Variants in MMP16 observed in about 807,000 individuals in gnomAD.
The protein encoded by MMP16 is matrix metallopeptidase 16.
MMP16 carries 12 observed loss-of-function variants against 67.8 expected under a neutral mutation model. The observed-to-expected ratio is 0.18, with a 90% CI of 0.11 to 0.29. MMP16 has a LOEUF of 0.29. Ranked by LOEUF, MMP16 falls within the 10% of genes least tolerant of loss-of-function variation. MMP16 has a pLI of 1.00. For missense variants in MMP16, 475 were observed against 765.7 expected (o/e 0.62, Z 4.48); for synonymous variants, 249 against 255.9 (o/e 0.97, Z 0.26).
At chr8:88,209,192 T>TCTCCTGCCTCCCCTTCCACCTCCTGCAC in intron 1 of MMP16, among the ~76,000 whole-genome samples, 1 of 152,116 alleles carries the variant, frequency 6.6e-6, no homozygotes, top group Admixed American at 6.6e-5. Context: ...TGTGCCTGCA[T>TCTCCTGCCTCCCCTTCCACCTCCTGCAC]CTCCTGCCTC....
rs145638334 is a variant in MMP16, at chr8:88,261,595, T to C, written c.133-64289A>G. Among the ~76,000 whole-genome samples the C allele has an allele frequency of 6.3e-3, 959 of 152,048 alleles. 6 individuals are homozygous for C. Among genetic ancestry groups the C allele is most frequent in the African/African-American group, 0.022 (911 of 41,436 alleles). ...TAAAACTCCTCCCCTTCAGACTCTA[T>C]AAACCACTGGGCAAAAAAAGATACC... On this transcript the variant is annotated intron_variant, in intron 1 of 9. Transcript: ENST00000286614.
At chr8:88,302,131 C>T (rs1022626052) in intron 1 of MMP16, among the ~76,000 whole-genome samples, 20 of 152,146 alleles carry the variant, frequency 1.3e-4, no homozygotes, top group Non-Finnish European at 2.5e-4. Context: ...ATCATACCCA[C>T]AACCAGGTTC....
intron 9 of MMP16, among the ~76,000 whole-genome samples, chr8:88,042,102 A>G (rs1808141083): frequency 1.3e-5 from 2 of 152,152 alleles, no homozygotes; most frequent in Admixed American, 1.3e-4. Flanking sequence ...AGAGAACCTT[A>G]TCTTTTTGCT....
chr8:88,269,915 A>G (rs748508392), intron 1 of MMP16, among the ~76,000 whole-genome samples: 1 of 152,224 alleles, frequency 6.6e-6, no homozygotes, highest in Non-Finnish European at 1.5e-5. Flanking sequence ...TCACAGATTC[A>G]ATAATACTAA....
In MMP16 at chr8:88,184,563, G is replaced by GAAAAAAAAAAAAAAAA. The variant is rs59310737; in HGVS notation, c.404+1897_404+1912dup. On this transcript the variant is annotated intron_variant, in intron 3 of 9. Transcript: ENST00000286614. ...GGGCAAATGGTAAAACTCTCTCTCT[G>GAAAAAAAAAAAAAAAA]AAAAAAAAAAAAAAAAAAAAAAAAA... 1.8e-4 allele frequency among the ~76,000 whole-genome samples: 2 copies of GAAAAAAAAAAAAAAAA among 10,936 alleles called. 1 individual carries two copies. Among genetic ancestry groups the GAAAAAAAAAAAAAAAA allele is most frequent in the African/African-American group, 1.1e-3 (2 of 1,886 alleles). 7.2% of individuals were successfully genotyped at this position (10,936 alleles called of 152,430 possible).
In MMP16 at chr8:88,041,736, C is replaced by T. The variant is rs1441585389; in HGVS notation, c.1549G>A (p.Val517Ile). 1.2e-6 allele frequency: 2 copies of T among 1,613,774 alleles called. No homozygotes were observed. The highest frequency in any genetic ancestry group is 8.5e-7 in the Non-Finnish European group (1 of 1,179,950). ...YWKFNNQILK[V>I]EPGYPRSILK... ...ATGGATCTTGGATATCCAGGTTCTA[C>T]CTTGAGTATCTGGTTGTTGAATTTC... The change falls in exon 10 of 10, where the codon GTA becomes ATA. Residue 517 changes from valine to isoleucine, a missense_variant. Transcript: ENST00000286614. This position sits in a 1 kb window ranked among gnomAD's most constrained non-coding sequence, Gnocchi z 6.0.
chr8:88,088,057 C>G (rs59599489), intron 6 of MMP16, among the ~76,000 whole-genome samples: 2 of 138,416 alleles, frequency 1.4e-5, no homozygotes, highest in Non-Finnish European at 3.1e-5. Flanking sequence ...TCTATTATAT[C>G]TATATATAAT....
rs1808039678 is a variant in MMP16 at position 88,035,231 on chromosome 8, T to C, written c.*6230A>G. On this transcript the variant is annotated 3_prime_UTR_variant, in exon 10 of 10. Coordinates refer to ENST00000286614, the MANE Select transcript of MMP16 (RefSeq NM_005941.5). The surrounding 1 kb of genome is among the most constrained non-coding windows in gnomAD (Gnocchi z 4.7). ...AGTATATTTCCGTATTTATATTTAA[T>C]TGATTCTTATCCCTTTTTAAGGGCA... 6.6e-6 allele frequency: 1 copy of C among 152,090 alleles called. No homozygotes were observed. 9.4% of individuals were successfully genotyped at this position (152,090 alleles called of 1,614,324 possible).
intron 1 of MMP16, among the ~76,000 whole-genome samples, chr8:88,293,214 T>C (rs1810954050): frequency 6.6e-6 from 1 of 152,186 alleles, no homozygotes; most frequent in South Asian, 2.1e-4. Flanking sequence ...ATTTTCTAAG[T>C]TATAGAAACT....
chr8:88,142,619 G>A (rs1404283347), intron 4 of MMP16, among the ~76,000 whole-genome samples: 1 of 152,050 alleles, frequency 6.6e-6, no homozygotes, highest in Non-Finnish European at 1.5e-5. Flanking sequence ...TACAGTGAAA[G>A]ATTTACTAGA....
intron 7 of MMP16, among the ~76,000 whole-genome samples, chr8:88,072,037 T>C (rs1171480462): frequency 2.0e-5 from 3 of 152,148 alleles, no homozygotes; most frequent in East Asian, 1.9e-4. Flanking sequence ...AATTAAAATA[T>C]ATGGTTTGTC....
intron 1 of MMP16, among the ~76,000 whole-genome samples, chr8:88,323,974 A>G (rs926688363): frequency 6.6e-6 from 1 of 152,160 alleles, no homozygotes; most frequent in African/African-American, 2.4e-5. Flanking sequence ...AATATTAGCA[A>G]TGTTCCCTTG....
At chr8:88,303,240 T>C (rs1410589986) in intron 1 of MMP16, among the ~76,000 whole-genome samples, 1 of 152,078 alleles carries the variant, frequency 6.6e-6, no homozygotes, top group African/African-American at 2.4e-5. Context: ...CCCACTTCCA[T>C]AGCACCTCAC....
chr8:88,249,078 A>C (rs1810165872), intron 1 of MMP16, among the ~76,000 whole-genome samples: 1 of 151,960 alleles, frequency 6.6e-6, no homozygotes, highest in African/African-American at 2.4e-5. Flanking sequence ...AGACGCCTGG[A>C]ACCAACAACC....
At chr8:88,313,355 AT>A (rs574121056) in intron 1 of MMP16, among the ~76,000 whole-genome samples, 1 of 151,956 alleles carries the variant, frequency 6.6e-6, no homozygotes. Context: ...AGGTTGAGAG[AT>A]TTTTTTCCTT....
chr8:88,275,950 C>G (rs953265704), intron 1 of MMP16, among the ~76,000 whole-genome samples: 1 of 151,986 alleles, frequency 6.6e-6, no homozygotes, highest in African/African-American at 2.4e-5. Flanking sequence ...TAAGAGCACT[C>G]CTAGTCCCTT....
At chr8:88,172,758 T>C (rs1392871453) in intron 3 of MMP16, among the ~76,000 whole-genome samples, 1 of 152,180 alleles carries the variant, frequency 6.6e-6, no homozygotes, top group African/African-American at 2.4e-5. Context: ...CATTTCATCA[T>C]ATTATTTCAC....
chr8:88,081,023 T>G (rs1808740828), intron 6 of MMP16, among the ~76,000 whole-genome samples: 1 of 152,082 alleles, frequency 6.6e-6, no homozygotes, highest in Non-Finnish European at 1.5e-5. Context: ...CTGGATGCTC[T>G]CCACTGTGGG....
chr8:88,142,762 G>T (rs1433482766), intron 4 of MMP16, among the ~76,000 whole-genome samples: 1 of 151,986 alleles, frequency 6.6e-6, no homozygotes. Context: ...TATTTAACTT[G>T]TTTAAATGGT....
Sources: gnomAD v4.1 joint callset for allele counts (sites outside exome capture counted in the v4.1 genomes callset) on GRCh38, gnomAD v4.1.1 for gene constraint, Gnocchi (gnomAD v3.1) non-coding constraint, MANE v1.5 for transcripts, NCBI Gene and HGNC (gene_info 2026-07-23, HGNC 2026-07-21) for gene names.